PTCHD4: variants seen among roughly 807,000 people sequenced by gnomAD.
PTCHD4 encodes the protein patched domain-containing protein 4.
In PTCHD4, 33 loss-of-function variants were observed where a neutral mutation model predicts 58.1. The ratio of observed to expected loss-of-function variants is 0.57; its 90% CI spans 0.43 to 0.76. The LOEUF is 0.76. Among genes scored for constraint, PTCHD4 ranks in the 30% least tolerant of loss-of-function variants. The probability of loss-of-function intolerance (pLI) is 0.00; values close to 1 mark genes in which losing one functional copy is unlikely to be tolerated. For synonymous variants in PTCHD4, 478 were observed against 409.6 expected, an observed-to-expected ratio of 1.17 and a Z score of -2.02; for missense variants, 1,058 against 1,027.1, an observed-to-expected ratio of 1.03 and a Z score of -0.41.
intron 3 of PTCHD4, among the ~76,000 whole-genome samples, chr6:48,019,864 C>T (rs1025099379): frequency 1.1e-4 from 17 of 152,164 alleles, no homozygotes; most frequent in African/African-American, 1.7e-4. Flanking sequence ...GTTACCTTAG[C>T]TGAGTCCTGA....
At chr6:48,063,058 T>C (rs918004917) in intron 3 of PTCHD4, among the ~76,000 whole-genome samples, 1 of 152,182 alleles carries the variant, frequency 6.6e-6, no homozygotes, top group Non-Finnish European at 1.5e-5. Flanking sequence ...ATTTAGAGCA[T>C]ATTGTGCTAT....
chr6:47,904,929 G>A (rs1739651431), intron 4 of PTCHD4, among the ~76,000 whole-genome samples: 1 of 152,044 alleles, frequency 6.6e-6, no homozygotes, highest in African/African-American at 2.4e-5. Context: ...TGCCATTTGA[G>A]TTAAGACATG....
At chr6:47,979,647 G>T (rs1042130886) in intron 4 of PTCHD4, among the ~76,000 whole-genome samples, 1 of 151,930 alleles carries the variant, frequency 6.6e-6, no homozygotes, top group African/African-American at 2.4e-5. Flanking sequence ...ATGTTAATTA[G>T]ATATTTATGT....
At chr6:47,882,115 A>G (rs958649755) in intron 4 of PTCHD4, among the ~76,000 whole-genome samples, 1 of 152,168 alleles carries the variant, frequency 6.6e-6, no homozygotes, top group African/African-American at 2.4e-5. Flanking sequence ...CTAAAATACA[A>G]TGTTAGAATA....
Position 47,998,736 on chromosome 6 carries a change from CT to C in PTCHD4, c.898+9897del, listed in dbSNP as rs770118589. On this transcript the variant is annotated intron_variant, in intron 4 of 4. Coordinates refer to ENST00000339488, the MANE Select transcript of PTCHD4 (RefSeq NM_001384253.1). ...TTACTTCTCATGCCAAGATAGCTAT[CT>C]TTTCCACCTCCTTTAAAAGGTCTAG... Among the ~76,000 whole-genome samples, 5 of 152,278 alleles carry C rather than the reference CT, an allele frequency of 3.3e-5. No homozygotes were observed. The East Asian group carries it at 9.7e-4, about 29-fold the overall frequency.
At chr6:47,996,485 C>A (rs1346092166) in intron 4 of PTCHD4, among the ~76,000 whole-genome samples, 1 of 152,072 alleles carries the variant, frequency 6.6e-6, no homozygotes, top group Non-Finnish European at 1.5e-5. Flanking sequence ...GCTGGCTCAA[C>A]TATTCTCAGG....
At chr6:47,991,247 C>T (rs556613226) in intron 4 of PTCHD4, among the ~76,000 whole-genome samples, 11 of 151,960 alleles carry the variant, frequency 7.2e-5, no homozygotes, top group Middle Eastern at 3.4e-3. Flanking sequence ...TATATCACAG[C>T]GAAACTGCAG....
intron 3 of PTCHD4, among the ~76,000 whole-genome samples, chr6:48,028,339 G>C (rs1482482287): frequency 4.1e-4 from 62 of 152,084 alleles, no homozygotes; most frequent in Admixed American, 1.3e-3. Context: ...TTGCTTTAAA[G>C]TAGAATGACT....
rs959391736 is a variant in PTCHD4, at chr6:47,859,761, A to G, written c.*18542T>C. On this transcript the variant is annotated 3_prime_UTR_variant, in exon 5 of 5. Coordinates refer to ENST00000339488, the MANE Select transcript of PTCHD4 (RefSeq NM_001384253.1). The stretch of plus-strand genomic sequence containing the variant: ...TATATTTTCATGAGATTGTCAGGAA[A>G]GGCCTCTCTAATGCATACTTATTTA... 1.3e-5 allele frequency among the ~76,000 whole-genome samples: 2 copies of G among 152,074 alleles called. No homozygotes were observed. The highest frequency in any genetic ancestry group is 2.9e-5 in the Non-Finnish European group (2 of 67,988).
chr6:48,095,704 A>G (rs1448739808), intron 1 of PTCHD4, among the ~76,000 whole-genome samples: 1 of 149,892 alleles, frequency 6.7e-6, no homozygotes, highest in Non-Finnish European at 1.5e-5. Flanking sequence ...CAAACAAACA[A>G]AAACAAAAAC....
At chr6:48,039,890 A>T (rs1763783457) in intron 3 of PTCHD4, among the ~76,000 whole-genome samples, 2 of 152,072 alleles carry the variant, frequency 1.3e-5, no homozygotes, top group Non-Finnish European at 1.5e-5. Context: ...TGAAAATTGG[A>T]TGAGTATAGT....
chr6:48,014,611 A>G (rs1762803486), intron 3 of PTCHD4, among the ~76,000 whole-genome samples: 1 of 152,188 alleles, frequency 6.6e-6, no homozygotes, highest in African/African-American at 2.4e-5. Context: ...ATGTTTACAT[A>G]ATAATTAAGT....
At chr6:48,096,467 C>T (rs1170949491) in intron 1 of PTCHD4, among the ~76,000 whole-genome samples, 1 of 152,108 alleles carries the variant, frequency 6.6e-6, no homozygotes, top group South Asian at 2.1e-4. Context: ...CAAAAATTAG[C>T]TGGGCGTGGT....
intron 1 of PTCHD4, among the ~76,000 whole-genome samples, chr6:48,091,442 G>A (rs915662101): frequency 1.1e-4 from 17 of 152,060 alleles, no homozygotes; most frequent in Non-Finnish European, 2.1e-4. Flanking sequence ...TGCAAAATTA[G>A]AATTTCTTCA....
At chr6:47,911,034 A>G (rs2113867124) in intron 4 of PTCHD4, among the ~76,000 whole-genome samples, 1 of 152,218 alleles carries the variant, frequency 6.6e-6, no homozygotes, top group African/African-American at 2.4e-5. Context: ...AGCTGTATGT[A>G]AAAATAAAGC....
At chr6:47,941,161 C>A (rs1318949316) in intron 4 of PTCHD4, among the ~76,000 whole-genome samples, 1 of 152,206 alleles carries the variant, frequency 6.6e-6, no homozygotes, top group Non-Finnish European at 1.5e-5. Flanking sequence ...TCCTTGCTAG[C>A]TGGGTTTCTG....
At chr6:47,946,420 T>C (rs73477533) in intron 4 of PTCHD4, among the ~76,000 whole-genome samples, 2,534 of 152,278 alleles carry the variant, frequency 0.017, 74 homozygotes, top group African/African-American at 0.058. Flanking sequence ...AGCTTGAGCC[T>C]TTTTGTCAAC....
chr6:47,891,134 A>G (rs1393085673), intron 4 of PTCHD4, among the ~76,000 whole-genome samples: 2 of 143,534 alleles, frequency 1.4e-5, no homozygotes, highest in Non-Finnish European at 3.0e-5. Context: ...AAGTGGGAGG[A>G]TTGCTTGAAC....
chr6:48,057,621 A>G lies in PTCHD4; in HGVS notation c.417+10609T>C, dbSNP rs117512430. On this transcript the variant is annotated intron_variant, in intron 3 of 4. Coordinates refer to ENST00000339488, the MANE Select transcript of PTCHD4 (RefSeq NM_001384253.1). Reference sequence around the variant, plus strand: ...TGGCTTTAAGGCCTCAGCTTTTAAGAGATATGTATGATTTTGACTGTGCAA... The same window carrying G: ...TGGCTTTAAGGCCTCAGCTTTTAAGGGATATGTATGATTTTGACTGTGCAA... Among the ~76,000 whole-genome samples the G allele has an allele frequency of 5.3e-4, 80 of 152,348 alleles. 1 individual carries two copies. The East Asian group carries it at 0.015, about 28-fold the overall frequency.
Sources: allele counts gnomAD v4.1 joint callset (sites outside exome capture counted in the v4.1 genomes callset), GRCh38; gene constraint gnomAD v4.1.1; transcripts MANE v1.5; gene names NCBI Gene and HGNC (gene_info 2026-07-23, HGNC 2026-07-21).